Variants in SLC4A8 observed in about 807,000 individuals in gnomAD.
SLC4A8 encodes the protein electroneutral sodium bicarbonate exchanger 1.
A neutral mutation model predicts 125.0 loss-of-function variants in SLC4A8; 40 were observed. The ratio of observed to expected loss-of-function variants is 0.32; its 90% CI spans 0.25 to 0.42. SLC4A8 has a LOEUF of 0.42. Among genes scored for constraint, SLC4A8 ranks in the 10% least tolerant of loss-of-function variants. The probability of loss-of-function intolerance (pLI) is 1.00; values close to 1 mark genes in which losing one functional copy is unlikely to be tolerated. For missense variants in SLC4A8, 863 were observed against 1,355.1 expected (o/e 0.64, Z 5.70); for synonymous variants, 456 against 476.0 (o/e 0.96, Z 0.55).
upstream of SLC4A8, among the ~76,000 whole-genome samples, chr12:51,422,567 C>T (rs1948815743): frequency 3.9e-5 from 6 of 151,936 alleles, no homozygotes; most frequent in South Asian, 1.2e-3. Context: ...ACATGTTGGC[C>T]CAAGTTGGTC....
At chr12:51,393,786 G>A (rs1447273034) in intron 1 of SLC4A8, among the ~76,000 whole-genome samples, 1 of 152,146 alleles carries the variant, frequency 6.6e-6, no homozygotes, top group Non-Finnish European at 1.5e-5. Flanking sequence ...ATTCCAGGCC[G>A]TGGGCTTTAA....
In SLC4A8 at chr12:51,471,540, T is replaced by A; in HGVS notation, c.1904+8T>A. The A allele has an allele frequency of 1.2e-6, 2 of 1,609,174 alleles. No homozygotes were observed. Among genetic ancestry groups the A allele is most frequent in the Non-Finnish European group, 1.7e-6 (2 of 1,177,248 alleles). ...CCACCTTAGCCTCTATTAGTAAGTG[T>A]GCTTTCTGCTTATTTTTAAAAATTG... On this transcript the variant is annotated splice_region_variant and intron_variant, in intron 14 of 24. Transcript: ENST00000453097.
At position 51,514,558 on chromosome 12, in the gene SLC4A8, A is replaced by G. The variant is rs1938471065; in HGVS notation, c.*7120A>G. The G allele has an allele frequency of 1.3e-5, 2 of 152,110 alleles. No individual in the cohort carries two copies. The highest frequency in any genetic ancestry group is 2.9e-5 in the Non-Finnish European group (2 of 68,026). 9.4% of individuals were successfully genotyped at this position (152,110 alleles called of 1,614,324 possible). A position where few individuals can be genotyped will look rare whatever the true frequency, so the allele number is the denominator to read the frequency against. ...GTTGGACAGTCCCGGGGCTTTTTTG[A>G]AAGGGGACTTTATGGTCATTTCCCC... is the stretch of plus-strand genomic sequence containing the variant. On this transcript the variant is annotated 3_prime_UTR_variant, in exon 25 of 25. Transcript: ENST00000453097.
At chr12:51,492,206 G>A (rs1038547123) in intron 19 of SLC4A8, among the ~76,000 whole-genome samples, 2 of 152,148 alleles carry the variant, frequency 1.3e-5, no homozygotes, top group Non-Finnish European at 2.9e-5. Context: ...CTTTACGGCT[G>A]TATTCCCAGG....
At chr12:51,471,903 A>G (rs1190582778) in intron 14 of SLC4A8, among the ~76,000 whole-genome samples, 1 of 152,204 alleles carries the variant, frequency 6.6e-6, no homozygotes, top group East Asian at 1.9e-4. Context: ...TTATCAAGTG[A>G]GAGAATGGAC....
chr12:51,438,900 A>G (rs1051758387), intron 1 of SLC4A8, among the ~76,000 whole-genome samples: 4 of 150,484 alleles, frequency 2.7e-5, no homozygotes, highest in Non-Finnish European at 5.9e-5. Flanking sequence ...ATTTTTTCAT[A>G]TATTTGTTGA....
chr12:51,477,575 A>C (rs1472891870), intron 16 of SLC4A8, among the ~76,000 whole-genome samples: 2 of 152,220 alleles, frequency 1.3e-5, no homozygotes, highest in African/African-American at 4.8e-5. Context: ...ATTTCTCAGC[A>C]GTCGTTTCCC....
rs540058987 is a variant in SLC4A8 at position 51,504,545 on chromosome 12, C to T, written c.3173+425C>T. The stretch of plus-strand genomic sequence containing the variant: ...GAAAGATTAGGATTCAAACCCTGGT[C>T]GTCTTCTATTCCTCAAACCAGTGCT... On this transcript the variant is annotated intron_variant, in intron 23 of 24. Coordinates refer to ENST00000453097, the MANE Select transcript of SLC4A8 (RefSeq NM_001039960.3). Among the ~76,000 whole-genome samples, 73 of 152,330 alleles carry T rather than the reference C, an allele frequency of 4.8e-4. No homozygotes were observed. The Middle Eastern group carries it at 0.02, about 43-fold the overall frequency.
In SLC4A8 at chr12:51,485,780, A is replaced by G. The variant is rs1335156866; in HGVS notation, c.2173-7A>G. The G allele has an allele frequency of 6.5e-7, 1 of 1,548,290 alleles. No individual in the cohort carries two copies. The highest frequency in any genetic ancestry group is 2.2e-5 in the East Asian group (1 of 44,572). Reference sequence around the variant, plus strand: ...CAAAACATGTGTCCACTTCTTTCTCATGCCAGGTACGCTCCATGGTGAGTG... The same window carrying G: ...CAAAACATGTGTCCACTTCTTTCTCGTGCCAGGTACGCTCCATGGTGAGTG... On this transcript the variant is annotated splice_polypyrimidine_tract_variant and splice_region_variant and intron_variant, in intron 16 of 24. Transcript: ENST00000453097.
chr12:51,449,841 C>T (rs1013052892), intron 2 of SLC4A8, among the ~76,000 whole-genome samples: 1 of 152,102 alleles, frequency 6.6e-6, no homozygotes, highest in African/African-American at 2.4e-5. Context: ...TCAGCTTGGG[C>T]AACGTGGCGA....
At chr12:51,472,763 C>T (rs904312225) in intron 14 of SLC4A8, among the ~76,000 whole-genome samples, 62 of 152,174 alleles carry the variant, frequency 4.1e-4, no homozygotes, top group African/African-American at 1.2e-3. Context: ...TAATAAAGCT[C>T]AAGATGATAT....
intron 2 of SLC4A8, among the ~76,000 whole-genome samples, chr12:51,447,961 C>T (rs552163771): frequency 3.3e-5 from 5 of 151,686 alleles, no homozygotes; most frequent in South Asian, 4.2e-4. Flanking sequence ...CCTTGTGATC[C>T]GCCTGCCTCG....
Position 51,463,110 on chromosome 12 carries a change from T to C in SLC4A8, c.1249-504T>C, listed in dbSNP as rs180838224. Among the ~76,000 whole-genome samples, 337 of 152,278 alleles carry C rather than the reference T, an allele frequency of 2.2e-3. 2 individuals carry two copies. The highest frequency in any genetic ancestry group is 7.9e-3 in the African/African-American group (327 of 41,538). On this transcript the variant is annotated intron_variant, in intron 10 of 24. Transcript: ENST00000453097. ...GAGCAGATAGAATGTCTGATATTTTTCTGACATATTAGAGATGGGAAAGGA... is the reference window on the plus strand; with the variant it reads ...GAGCAGATAGAATGTCTGATATTTTCCTGACATATTAGAGATGGGAAAGGA...
At chr12:51,395,983 A>G (rs1465782653) in intron 1 of SLC4A8, among the ~76,000 whole-genome samples, 3 of 152,242 alleles carry the variant, frequency 2.0e-5, no homozygotes, top group African/African-American at 7.2e-5. Flanking sequence ...AAAGCGAGAA[A>G]TATTTTAGGG....
At chr12:51,401,663 G>A (rs771291096) in intron 1 of SLC4A8, among the ~76,000 whole-genome samples, 7 of 152,210 alleles carry the variant, frequency 4.6e-5, no homozygotes, top group Non-Finnish European at 8.8e-5. Context: ...TATAGGCACA[G>A]GATAGGACTG....
chr12:51,492,264 C>CT (rs955132305), intron 19 of SLC4A8, among the ~76,000 whole-genome samples: 8 of 151,904 alleles, frequency 5.3e-5, no homozygotes, highest in Non-Finnish European at 1.2e-4. Flanking sequence ...CTCCTCTTCC[C>CT]TTTTTTTTGG....
chr12:51,436,078 C>T (rs1405910245), intron 1 of SLC4A8, among the ~76,000 whole-genome samples: 2 of 152,116 alleles, frequency 1.3e-5, no homozygotes, highest in African/African-American at 4.8e-5. Context: ...TTGATACTTC[C>T]AATTCAATTT....
chr12:51,468,339 A>G (rs1950583992), intron 11 of SLC4A8, among the ~76,000 whole-genome samples: 2 of 152,136 alleles, frequency 1.3e-5, no homozygotes, highest in Non-Finnish European at 2.9e-5. Flanking sequence ...TTCTCATCCT[A>G]ATCTATGCTC....
At chr12:51,445,194 C>G (rs916882288) in intron 2 of SLC4A8, among the ~76,000 whole-genome samples, 1 of 152,116 alleles carries the variant, frequency 6.6e-6, no homozygotes, top group Non-Finnish European at 1.5e-5. Context: ...TGTTTTGAGG[C>G]AGGGTCTCAC....
Sources: allele counts gnomAD v4.1 joint callset (sites outside exome capture counted in the v4.1 genomes callset), GRCh38; gene constraint gnomAD v4.1.1; transcripts MANE v1.5; gene names NCBI Gene and HGNC (gene_info 2026-07-23, HGNC 2026-07-21).